The following ACOT7 variants were observed in gnomAD, a reference collection of about 807,000 sequenced individuals.
The protein encoded by ACOT7 is cytosolic acyl coenzyme A thioester hydrolase.
A neutral mutation model predicts 40.2 loss-of-function variants in ACOT7; 12 were observed. That is an observed-to-expected ratio of 0.30 (90% CI 0.19 to 0.48). ACOT7 has a LOEUF of 0.48. ACOT7 is among the 20% of genes least tolerant of loss of function. The pLI is 0.99. For missense variants in ACOT7, 395 were observed against 530.8 expected, an observed-to-expected ratio of 0.74 and a Z score of 2.51; for synonymous variants, 228 against 219.5, an observed-to-expected ratio of 1.04 and a Z score of -0.34.
chr1:6,298,810 T>C (rs984103103), intron 6 of ACOT7, among the ~76,000 whole-genome samples: 5 of 152,196 alleles, frequency 3.3e-5, no homozygotes, highest in African/African-American at 9.7e-5. Context: ...TAGAGGACGG[T>C]TGGGCCAGGT....
rs544131701 is a variant in ACOT7, at chr1:6,274,846, G to A, written c.1014+6256C>T. Reference sequence around the variant, plus strand: ...GGGCGGCGCAGTGCAGGTGGGCAGCGCGTTGGGACTCCCAGGGTTTAGGTT... The same window carrying A: ...GGGCGGCGCAGTGCAGGTGGGCAGCACGTTGGGACTCCCAGGGTTTAGGTT... On this transcript the variant is annotated intron_variant, in intron 8 of 8. Coordinates refer to ENST00000361521, the MANE Select transcript of ACOT7 (RefSeq NM_007274.4). This position sits in a 1 kb window ranked among gnomAD's most constrained non-coding sequence, Gnocchi z 5.9. Among the ~76,000 whole-genome samples, 3 of 152,302 alleles carry A rather than the reference G, an allele frequency of 2.0e-5. No homozygotes were observed. Among genetic ancestry groups the A allele is most frequent in the East Asian group, 3.9e-4 (2 of 5,176 alleles).
rs752856409 is a variant in ACOT7, at chr1:6,282,860, A to G, written c.830-1574T>C. The G allele has an allele frequency of 8.4e-7, 1 of 1,187,568 alleles. No homozygotes were observed. Among genetic ancestry groups the G allele is most frequent in the Admixed American group, 2.3e-5 (1 of 43,422 alleles). 73.6% of individuals were successfully genotyped at this position (1,187,568 alleles called of 1,614,324 possible). On this transcript the variant is annotated intron_variant, in intron 7 of 8. Transcript: ENST00000361521. The surrounding 1 kb of genome is among the most constrained non-coding windows in gnomAD (Gnocchi z 4.5). Reference sequence around the variant, plus strand: ...ACAAGACGCACCCCGGGAGGAGGGCAGGCCATGGGTCAGGCCCCAGCTAAG... The same window carrying G: ...ACAAGACGCACCCCGGGAGGAGGGCGGGCCATGGGTCAGGCCCCAGCTAAG...
chr1:6,312,115 G>A (rs1340450213), intron 6 of ACOT7, among the ~76,000 whole-genome samples: 1 of 152,164 alleles, frequency 6.6e-6, no homozygotes, highest in Non-Finnish European at 1.5e-5. Flanking sequence ...TAAGCAAAAG[G>A]AGGCTGCGTC....
At chr1:6,365,811 T>A (rs1380147058) in intron 1 of ACOT7, among the ~76,000 whole-genome samples, 1 of 151,858 alleles carries the variant, frequency 6.6e-6, no homozygotes, top group East Asian at 1.9e-4. Flanking sequence ...CTAACAATCA[T>A]CTGAGCCTTC....
Position 6,317,857 on chromosome 1 carries a change from G to A in ACOT7, c.712+635C>T, listed in dbSNP as rs186925672. ...AGTGATTCTCTTGCCTCAGCCTCCCGAGTAGCTGGGACTACAGGCGCCTGC... is the reference window on the plus strand; with the variant it reads ...AGTGATTCTCTTGCCTCAGCCTCCCAAGTAGCTGGGACTACAGGCGCCTGC... On this transcript the variant is annotated intron_variant, in intron 6 of 8. Coordinates refer to ENST00000361521, the MANE Select transcript of ACOT7 (RefSeq NM_007274.4). 6.1e-5 allele frequency among the ~76,000 whole-genome samples: 9 copies of A among 148,746 alleles called. No homozygotes were observed. In the East Asian group the frequency reaches 1.2e-3, roughly 20 times the overall value.
chr1:6,372,024 G>A lies in ACOT7; in HGVS notation c.143+21233C>T, dbSNP rs183817177. Among the ~76,000 whole-genome samples, 570 of 150,650 alleles carry A rather than the reference G, an allele frequency of 3.8e-3. 4 individuals are homozygous for A. The highest frequency in any genetic ancestry group is 0.013 in the African/African-American group (547 of 40,880). ...TGCACCACTGCACTCCACCCTGGGC[G>A]ACAGAGCAAAACTCTGTGTCAAAAA... is the stretch of plus-strand genomic sequence containing the variant. On this transcript the variant is annotated intron_variant, in intron 1 of 8. Coordinates refer to ENST00000361521, the MANE Select transcript of ACOT7 (RefSeq NM_007274.4).
At chr1:6,370,968 G>A (rs569041394) in intron 1 of ACOT7, among the ~76,000 whole-genome samples, 11 of 151,288 alleles carry the variant, frequency 7.3e-5, no homozygotes, top group South Asian at 2.1e-4. Context: ...CTGCCACTGC[G>A]CCTGGCTAAT....
intron 8 of ACOT7, among the ~76,000 whole-genome samples, chr1:6,270,689 C>T (rs1303092121): frequency 6.6e-6 from 1 of 152,178 alleles, no homozygotes; most frequent in East Asian, 1.9e-4. Context: ...AAAGTGCTTC[C>T]TATGGTGCCG....
chr1:6,391,070 A>C (rs1377085305), intron 1 of ACOT7, among the ~76,000 whole-genome samples: 1 of 149,898 alleles, frequency 6.7e-6, no homozygotes, highest in Non-Finnish European at 1.5e-5. Context: ...CTGAGGCGGG[A>C]GGATCACCTG....
Position 6,393,248 on chromosome 1 carries a change from C to T in ACOT7, c.143+9G>A. The T allele has an allele frequency of 6.3e-6, 8 of 1,278,772 alleles. No individual in the cohort carries two copies. The highest frequency in any genetic ancestry group is 7.9e-6 in the Non-Finnish European group (8 of 1,011,698). The allele number at this position is 1,278,772 out of a possible 1,614,324, so 79.2% of individuals were successfully genotyped here. ...GGCCGCTGCAGGCTGCGCGCGGGCCCTCTCTTACCGGCAGATCTGGATGGC... is the reference window on the plus strand; with the variant it reads ...GGCCGCTGCAGGCTGCGCGCGGGCCTTCTCTTACCGGCAGATCTGGATGGC... On this transcript the variant is annotated intron_variant, in intron 1 of 8. Coordinates refer to ENST00000361521, the MANE Select transcript of ACOT7 (RefSeq NM_007274.4).
chr1:6,361,443 G>C (rs552154702), intron 1 of ACOT7, among the ~76,000 whole-genome samples: 1 of 152,218 alleles, frequency 6.6e-6, no homozygotes, highest in Non-Finnish European at 1.5e-5. Flanking sequence ...TAAGGTTCAC[G>C]CAGAATTGTA....
At chr1:6,273,551 G>A (rs1639100628) in intron 8 of ACOT7, among the ~76,000 whole-genome samples, 1 of 152,236 alleles carries the variant, frequency 6.6e-6, no homozygotes, top group South Asian at 2.1e-4. Flanking sequence ...GGGGGCAGGA[G>A]GGGGGCAGGG....
intron 8 of ACOT7, among the ~76,000 whole-genome samples, chr1:6,270,034 G>T (rs962910916): frequency 6.6e-6 from 1 of 152,224 alleles, no homozygotes; most frequent in East Asian, 1.9e-4. Context: ...AAAGGGCCGC[G>T]GGGCGGTGTC....
chr1:6,386,856 C>A (rs1332698847), intron 1 of ACOT7, among the ~76,000 whole-genome samples: 2 of 152,106 alleles, frequency 1.3e-5, no homozygotes, highest in Non-Finnish European at 2.9e-5. Flanking sequence ...TAAGCGAGAC[C>A]CTGTCTCAAA....
chr1:6,342,306 G>A (rs1053701322), intron 2 of ACOT7, among the ~76,000 whole-genome samples: 3 of 151,342 alleles, frequency 2.0e-5, no homozygotes, highest in South Asian at 2.1e-4. Flanking sequence ...CCATACCCTC[G>A]TCACCTCCCA....
intron 1 of ACOT7, among the ~76,000 whole-genome samples, chr1:6,386,393 T>C (rs927101731): frequency 6.6e-6 from 1 of 151,916 alleles, no homozygotes; most frequent in African/African-American, 2.4e-5. Flanking sequence ...GAGGAGGGAG[T>C]GAACCCCTAT....
At chr1:6,351,541 A>ACCAGCTG (rs1400936127) in intron 1 of ACOT7, among the ~76,000 whole-genome samples, 2 of 152,164 alleles carry the variant, frequency 1.3e-5, no homozygotes, top group Non-Finnish European at 2.9e-5. Context: ...CCTTCCCCGC[A>ACCAGCTG]CCAGCTGCAG....
Position 6,352,687 on chromosome 1 carries a change from G to A in ACOT7, c.144-2821C>T, listed in dbSNP as rs1641628017. Among the ~76,000 whole-genome samples, 2 of 151,820 alleles carry A rather than the reference G, an allele frequency of 1.3e-5. No individual in the cohort carries two copies. The highest frequency in any genetic ancestry group is 4.8e-5 in the African/African-American group (2 of 41,346). On this transcript the variant is annotated intron_variant, in intron 1 of 8. Transcript: ENST00000361521. The surrounding 1 kb of genome is among the most constrained non-coding windows in gnomAD (Gnocchi z 4.5). ...GCTCACCGCAAGCTCCGCCTCCTGG[G>A]TTCTCCTGCCTCAGCCTCCCGAGTA...
intron 3 of ACOT7, among the ~76,000 whole-genome samples, chr1:6,336,889 G>T (rs1050204322): frequency 6.6e-6 from 1 of 152,200 alleles, no homozygotes; most frequent in Non-Finnish European, 1.5e-5. Context: ...CGAGACAGAG[G>T]GGGAGATGAG....
Sources: allele counts gnomAD v4.1 joint callset (sites outside exome capture counted in the v4.1 genomes callset), GRCh38; gene constraint gnomAD v4.1.1; non-coding constraint Gnocchi (gnomAD v3.1); transcripts MANE v1.5; gene names NCBI Gene and HGNC (gene_info 2026-07-23, HGNC 2026-07-21).